NETO1: variants seen among roughly 807,000 people sequenced by gnomAD.
NETO1 encodes the protein neuropilin and tolloid like 1.
Under a neutral mutation model 61.3 loss-of-function variants are expected in NETO1, and 26 were observed. The observed-to-expected ratio is 0.42, with a 90% confidence interval of 0.31 to 0.59. The LOEUF is 0.59. Among genes scored for constraint, NETO1 ranks in the 20% least tolerant of loss-of-function variants. NETO1 has a pLI of 0.12. For missense variants in NETO1, 531 were observed against 662.8 expected, an observed-to-expected ratio of 0.80 and a Z score of 2.18; for synonymous variants, 225 against 225.8, an observed-to-expected ratio of 1.00 and a Z score of 0.03.
intron 4 of NETO1, among the ~76,000 whole-genome samples, chr18:72,837,442 T>C (rs2073786753): frequency 6.6e-6 from 1 of 152,202 alleles, no homozygotes; most frequent in South Asian, 2.1e-4. Context: ...GGTGACAATA[T>C]CTGTGACTAA....
intron 3 of NETO1, among the ~76,000 whole-genome samples, chr18:72,860,125 A>G (rs550016439): frequency 5.3e-5 from 8 of 152,308 alleles, no homozygotes; most frequent in African/African-American, 9.6e-5. Flanking sequence ...TCAGACTTAC[A>G]TTCAGCCAGG....
At position 72,800,407 on chromosome 18, in the gene NETO1, G is replaced by C. The variant is rs192651378; in HGVS notation, c.470-6003C>G. ...CTATCTTTGTGAAGCAGGGTTTTCT[G>C]CAGTGACAGTAACCGAAATGAGATC... On this transcript the variant is annotated intron_variant, in intron 4 of 10. Transcript: ENST00000327305. 1.1e-3 allele frequency among the ~76,000 whole-genome samples: 166 copies of C among 152,218 alleles called. 1 individual carries two copies. Among genetic ancestry groups the C allele is most frequent in the African/African-American group, 3.9e-3 (162 of 41,536 alleles).
At chr18:72,776,839 C>T (rs942610864) in intron 7 of NETO1, among the ~76,000 whole-genome samples, 3 of 152,178 alleles carry the variant, frequency 2.0e-5, no homozygotes, top group Non-Finnish European at 4.4e-5. Flanking sequence ...GACCTTCTCA[C>T]ACACAAAATA....
Position 72,799,427 on chromosome 18 carries a change from T to C in NETO1, c.470-5023A>G, listed in dbSNP as rs1262560768. On this transcript the variant is annotated intron_variant, in intron 4 of 10. Coordinates refer to ENST00000327305, the MANE Select transcript of NETO1 (RefSeq NM_138966.5). ...AACCAACATCACAGCTAGAGAACTGTTCAAGTCTTTGAATGATTACATATC... is the reference window on the plus strand; with the variant it reads ...AACCAACATCACAGCTAGAGAACTGCTCAAGTCTTTGAATGATTACATATC... Among the ~76,000 whole-genome samples, 7 of 152,308 alleles carry C rather than the reference T, an allele frequency of 4.6e-5. No individual in the cohort carries two copies. In the East Asian group the frequency reaches 1.3e-3, roughly 29 times the overall value.
intron 7 of NETO1, among the ~76,000 whole-genome samples, chr18:72,780,308 T>A (rs1211998714): frequency 6.6e-6 from 1 of 152,222 alleles, no homozygotes; most frequent in Non-Finnish European, 1.5e-5. Context: ...AAGAACACCC[T>A]GTGTCTTTTG....
Position 72,794,131 on chromosome 18 carries a change from G to T in NETO1, c.625C>A (p.Pro209Thr), listed in dbSNP as rs1267450837. 30 of 1,614,042 alleles carry T rather than the reference G, an allele frequency of 1.9e-5. No individual in the cohort carries two copies. Among genetic ancestry groups the T allele is most frequent in the Non-Finnish European group, 2.4e-5 (28 of 1,180,046 alleles). Residue 209 changes from proline to threonine, a missense_variant, in exon 6 of 11, where the codon CCT becomes ACT. Transcript: ENST00000327305. Reference protein sequence around the residue: ...AVDCKWYIRAPPRSKIYLRFL... With the variant: ...AVDCKWYIRATPRSKIYLRFL... ...TTAAGACTGACCTTGGACCGTGGAGGTGCTCGGATGTACCACTTGCAATCA... is the reference window on the plus strand; with the variant it reads ...TTAAGACTGACCTTGGACCGTGGAGTTGCTCGGATGTACCACTTGCAATCA...
At chr18:72,775,711 G>C (rs1305829834) in intron 7 of NETO1, among the ~76,000 whole-genome samples, 2 of 152,150 alleles carry the variant, frequency 1.3e-5, no homozygotes, top group African/African-American at 2.4e-5. Context: ...TCTCAGAAGT[G>C]CCTCAAAAGT....
At chr18:72,811,939 C>A (rs191607480) in intron 4 of NETO1, among the ~76,000 whole-genome samples, 342 of 152,262 alleles carry the variant, frequency 2.2e-3, no homozygotes, top group African/African-American at 7.5e-3. Flanking sequence ...AGGGAGAGGA[C>A]TCCTAGTTCA....
At chr18:72,859,717 T>A (rs574797968) in intron 3 of NETO1, among the ~76,000 whole-genome samples, 1 of 152,276 alleles carries the variant, frequency 6.6e-6, no homozygotes, top group Admixed American at 6.5e-5. Flanking sequence ...ACTTCAGACA[T>A]GTCTTGTCTT....
intron 4 of NETO1, among the ~76,000 whole-genome samples, chr18:72,796,479 A>T (rs2072314385): frequency 6.6e-6 from 1 of 152,038 alleles, no homozygotes; most frequent in Non-Finnish European, 1.5e-5. Flanking sequence ...TTTAAAATAG[A>T]TTTTTTTTGT....
At chr18:72,855,153 C>CTGCA (rs1169060794) in intron 4 of NETO1, among the ~76,000 whole-genome samples, 1 of 152,056 alleles carries the variant, frequency 6.6e-6, no homozygotes. Flanking sequence ...CTTGGTGATT[C>CTGCA]TGCACTTATT....
chr18:72,783,754 A>G lies in NETO1; in HGVS notation c.792T>C (p.Leu264=), dbSNP rs1371972178. The G allele has an allele frequency of 3.7e-6, 6 of 1,614,156 alleles. No homozygotes were observed. Among genetic ancestry groups the G allele is most frequent in the Middle Eastern group, 1.6e-4 (1 of 6,062 alleles). Residue 264 remains leucine, a synonymous_variant, in exon 7 of 11, where the codon CTT becomes CTC. Coordinates refer to ENST00000327305, the MANE Select transcript of NETO1 (RefSeq NM_138966.5). ...CATCTGCCCACATGCGGATCACCCC[A>G]AGACCCGTGCGTAGCATGACATCAT... ...VANDVMLRTG[L]GVIRMWADEG...
At chr18:72,759,042 G>T (rs990456825) in intron 7 of NETO1, among the ~76,000 whole-genome samples, 14 of 152,066 alleles carry the variant, frequency 9.2e-5, no homozygotes, top group African/African-American at 3.1e-4. Flanking sequence ...TTTCTCTCCT[G>T]GTTAAGAACT....
Position 72,794,167 on chromosome 18 carries a change from T to C in NETO1, c.589A>G (p.Ser197Gly), listed in dbSNP as rs774173210. 1.9e-6 allele frequency: 3 copies of C among 1,614,106 alleles called. No homozygotes were observed. In the African/African-American group the frequency reaches 4.0e-5, roughly 22 times the overall value. The change falls in exon 6 of 11, where the codon AGC becomes GGC. Residue 197 changes from serine to glycine, a missense_variant. Ser to Gly is a moderately conservative substitution (Grantham distance 56, BLOSUM62 0). Transcript: ENST00000327305. Reference sequence around the variant, plus strand: ...TACCACTTGCAATCAACAGCCTCGCTAGCAGTAGCTTTGCCTTCCTTCATA... The same window carrying C: ...TACCACTTGCAATCAACAGCCTCGCCAGCAGTAGCTTTGCCTTCCTTCATA... ...QIMKEGKATA[S>G]EAVDCKWYIR...
intron 7 of NETO1, among the ~76,000 whole-genome samples, chr18:72,770,688 G>A (rs976470472): frequency 1.3e-5 from 2 of 152,090 alleles, no homozygotes; most frequent in Admixed American, 6.5e-5. Flanking sequence ...CCTAAGTTAC[G>A]GTTGGTAACA....
rs573432354 is a variant in NETO1, at chr18:72,780,031, T to C, written c.868+3647A>G. On this transcript the variant is annotated intron_variant, in intron 7 of 10. Coordinates refer to ENST00000327305, the MANE Select transcript of NETO1 (RefSeq NM_138966.5). ...ACACCTATGATGAGAGCTGTACTTA[T>C]GAGCTAATCACCTCTCAAATGCCTC... Among the ~76,000 whole-genome samples, 20 of 152,316 alleles carry C rather than the reference T, an allele frequency of 1.3e-4. No homozygotes were observed. The East Asian group carries it at 3.9e-3, about 29-fold the overall frequency.
chr18:72,858,054 C>G (rs1177819658), intron 4 of NETO1, among the ~76,000 whole-genome samples: 1 of 151,946 alleles, frequency 6.6e-6, no homozygotes, highest in African/African-American at 2.4e-5. Context: ...TGAAAACAAA[C>G]TATATAAAAA....
At chr18:72,833,728 C>T (rs1178050931) in intron 4 of NETO1, among the ~76,000 whole-genome samples, 2 of 152,062 alleles carry the variant, frequency 1.3e-5, no homozygotes, top group Non-Finnish European at 2.9e-5. Flanking sequence ...GAATTTTTGT[C>T]GTGCATATAT....
At chr18:72,864,257 AG>A (rs1344234295) in intron 3 of NETO1, among the ~76,000 whole-genome samples, 4 of 152,194 alleles carry the variant, frequency 2.6e-5, no homozygotes, top group Non-Finnish European at 5.9e-5. Context: ...GTTGGAAAAA[AG>A]TCATGAAATA....
Sources: gnomAD v4.1 joint callset for allele counts (sites outside exome capture counted in the v4.1 genomes callset) on GRCh38, gnomAD v4.1.1 for gene constraint, MANE v1.5 for transcripts, NCBI Gene and HGNC (gene_info 2026-07-23, HGNC 2026-07-21) for gene names.